The following ZNF644 variants were observed in gnomAD, a reference collection of about 807,000 sequenced individuals.
The protein encoded by ZNF644 is zinc finger protein 644, also known as zinc finger motif enhancer binding protein 2.
Under a neutral mutation model 108.0 loss-of-function variants are expected in ZNF644, and 20 were observed. The observed-to-expected ratio is 0.19, with a 90% CI of 0.13 to 0.27. The LOEUF (loss-of-function observed/expected upper bound fraction) is 0.27, where lower values mean the gene tolerates loss of function less well. ZNF644 is among the 10% of genes least tolerant of loss of function. The probability of loss-of-function intolerance (pLI) is 1.00; values close to 1 mark genes in which losing one functional copy is unlikely to be tolerated. For missense variants in ZNF644, 1,338 were observed against 1,548.9 expected (o/e 0.86, Z 2.29); for synonymous variants, 542 against 539.1 (o/e 1.01, Z -0.08).
Position 90,940,802 on chromosome 1 carries a change from A to G in ZNF644, c.552T>C (p.Ala184=), listed in dbSNP as rs1261306544. The G allele has an allele frequency of 1.9e-6, 3 of 1,613,996 alleles. No homozygotes were observed. The East Asian group carries it at 6.7e-5, about 36-fold the overall frequency. Residue 184 remains alanine, a synonymous_variant, in exon 3 of 6, where the codon GCT becomes GCC. Transcript: ENST00000337393. ...VLFLLSDVAH[A]KNPTHSNKKL... is the part of the protein sequence containing the mutation. ...TTTTATTGGAATGGGTGGGATTCTT[A>G]GCATGTGCTACATCTGATAACAAAA...
chr1:90,989,416 G>A lies in ZNF644; in HGVS notation c.-17-7046C>T, dbSNP rs144073657. On this transcript the variant is annotated intron_variant, in intron 1 of 5. Coordinates refer to ENST00000337393, the MANE Select transcript of ZNF644 (RefSeq NM_201269.3). Reference sequence around the variant, plus strand: ...AAAATAAATAGGTGTGGTAGCACGCGTTTGTAGTACCAGCTACTTGAGAGG... The same window carrying A: ...AAAATAAATAGGTGTGGTAGCACGCATTTGTAGTACCAGCTACTTGAGAGG... Among the ~76,000 whole-genome samples the A allele has an allele frequency of 1.0e-3, 159 of 152,182 alleles. 2 individuals carry two copies. Among genetic ancestry groups the A allele is most frequent in the African/African-American group, 3.3e-3 (135 of 41,518 alleles).
intron 2 of ZNF644, among the ~76,000 whole-genome samples, chr1:90,954,182 C>CGA (rs1477864686): frequency 2.6e-5 from 4 of 152,144 alleles, no homozygotes; most frequent in African/African-American, 9.7e-5. Flanking sequence ...TAGCATCTTA[C>CGA]CCACAGTAAA....
At chr1:90,920,610 G>C (rs1458723039) in intron 4 of ZNF644, among the ~76,000 whole-genome samples, 1 of 151,922 alleles carries the variant, frequency 6.6e-6, no homozygotes, top group Non-Finnish European at 1.5e-5. Flanking sequence ...AGTTTAGGCT[G>C]TTTTATGAAT....
At chr1:90,951,098 A>G (rs1156673599) in intron 2 of ZNF644, among the ~76,000 whole-genome samples, 1 of 152,152 alleles carries the variant, frequency 6.6e-6, no homozygotes, top group East Asian at 1.9e-4. Context: ...ATTATCTTCA[A>G]AATACATCCA....
chr1:90,988,018 T>C (rs1557635169), intron 1 of ZNF644, among the ~76,000 whole-genome samples: 6 of 152,154 alleles, frequency 3.9e-5, no homozygotes, highest in South Asian at 4.1e-4. Context: ...ATGCCTACTG[T>C]CACCATTTCT....
chr1:90,938,889 C>G lies in ZNF644; in HGVS notation c.2465G>C (p.Gly822Ala). Residue 822 changes from glycine (G) to alanine (A), a missense_variant, in exon 3 of 6, where the codon GGA (glycine) becomes GCA (alanine). Gly to Ala is a moderately conservative substitution (Grantham distance 60). Around this residue, in one of 6 missense-constraint regions of ZNF644, gnomAD observed 462 missense variants for 472.6 expected, o/e 0.98. Coordinates refer to ENST00000337393, the MANE Select transcript of ZNF644 (RefSeq NM_201269.3). The surrounding 1 kb of genome is among the most constrained non-coding windows in gnomAD (Gnocchi z 4.2). ...IKESKKESSV[G>A]GEDLDSYPDF... Reference sequence around the variant, plus strand: ...TGGATAGCTATCCAAGTCTTCCCCTCCAACAGAACTTTCCTTCTTAGATTC... The same window carrying G: ...TGGATAGCTATCCAAGTCTTCCCCTGCAACAGAACTTTCCTTCTTAGATTC... 6.2e-7 allele frequency: 1 copy of G among 1,613,982 alleles called. No homozygotes were observed.
Position 90,937,743 on chromosome 1 carries a change from C to T in ZNF644, c.3430G>A (p.Glu1144Lys). The T allele has an allele frequency of 1.2e-6, 2 of 1,613,804 alleles. No individual in the cohort carries two copies. The highest frequency in any genetic ancestry group is 1.7e-4 in the Middle Eastern group (1 of 6,060). The change falls in exon 4 of 6, where the codon GAA (glutamate) becomes AAA (lysine). Residue 1144 changes from glutamate (E) to lysine (K), a missense_variant. Transcript: ENST00000337393. Reference sequence around the variant, plus strand: ...TCATTTAAGAAATTCAGCCCTTCTTCTTCTGATGCAGACACTGACAGAGCT... The same window carrying T: ...TCATTTAAGAAATTCAGCCCTTCTTTTTCTGATGCAGACACTGACAGAGCT... ...TEALSVSASE[E>K]EGLNFLNEYD...
chr1:90,918,874 C>A (rs1649105295), intron 4 of ZNF644, among the ~76,000 whole-genome samples: 2 of 151,876 alleles, frequency 1.3e-5, no homozygotes, highest in South Asian at 4.1e-4. Flanking sequence ...CATATTATCT[C>A]ACGTAAGTTT....
intron 1 of ZNF644, among the ~76,000 whole-genome samples, chr1:90,983,804 G>A (rs947666095): frequency 4.6e-5 from 7 of 152,160 alleles, no homozygotes; most frequent in African/African-American, 7.2e-5. Context: ...GCACGCGCCC[G>A]TAGTCCCAAC....
rs1274790816 is a variant in ZNF644, at chr1:90,937,782, C to T, written c.3391G>A (p.Gly1131Ser). 3.7e-6 allele frequency: 6 copies of T among 1,613,686 alleles called. No individual in the cohort carries two copies. In the South Asian group the frequency reaches 5.5e-5, roughly 15 times the overall value. ...NVIPLEAYRN[G>S]LKTEALSVSA... ...ACTGACAGAGCTTCAGTCTTTAGGC[C>T]ATTACGGTATGCTTCAAGAGGTATA... Residue 1131 changes from glycine to serine, a missense_variant, in exon 4 of 6, where the codon GGC (glycine) becomes AGC (serine). Gly to Ser is a moderately conservative substitution (Grantham distance 56). Coordinates refer to ENST00000337393, the MANE Select transcript of ZNF644 (RefSeq NM_201269.3).
chr1:91,016,796 T>A (rs1660471701), intron 1 of ZNF644, among the ~76,000 whole-genome samples: 1 of 152,234 alleles, frequency 6.6e-6, no homozygotes, highest in South Asian at 2.1e-4. Context: ...AGTTGTCTAT[T>A]TGGCTCAAAA....
chr1:90,969,431 T>C (rs1570461840), intron 2 of ZNF644, among the ~76,000 whole-genome samples: 1 of 152,234 alleles, frequency 6.6e-6, no homozygotes, highest in Admixed American at 6.5e-5. Flanking sequence ...ATCTGCAGTT[T>C]CGCTTTCTGA....
chr1:90,949,134 A>T (rs188525511), intron 2 of ZNF644, among the ~76,000 whole-genome samples: 53 of 152,008 alleles, frequency 3.5e-4, no homozygotes, highest in African/African-American at 1.1e-3. Flanking sequence ...TATAATGAGT[A>T]CTTAACCTCT....
intron 1 of ZNF644, among the ~76,000 whole-genome samples, chr1:91,004,814 A>G (rs897381124): frequency 9.2e-5 from 14 of 152,312 alleles, no homozygotes; most frequent in Admixed American, 3.3e-4. Flanking sequence ...CAGGGCAACC[A>G]CTACAAAAAT....
intron 2 of ZNF644, among the ~76,000 whole-genome samples, chr1:90,969,268 G>A (rs761290136): frequency 2.6e-4 from 40 of 152,124 alleles, no homozygotes; most frequent in Non-Finnish European, 3.5e-4. Flanking sequence ...AAGGACACAC[G>A]GAGAAGACAG....
At chr1:90,954,873 ATG>A (rs1305994842) in intron 2 of ZNF644, among the ~76,000 whole-genome samples, 2 of 152,194 alleles carry the variant, frequency 1.3e-5, no homozygotes, top group Non-Finnish European at 2.9e-5. Flanking sequence ...TGAATCACAA[ATG>A]TTTAAGTTGC....
intron 4 of ZNF644, among the ~76,000 whole-genome samples, chr1:90,922,462 G>C (rs1487628093): frequency 6.6e-6 from 1 of 152,096 alleles, no homozygotes; most frequent in African/African-American, 2.4e-5. Context: ...GACACGAACA[G>C]GTAAATCATC....
intron 4 of ZNF644, among the ~76,000 whole-genome samples, chr1:90,934,083 A>T (rs1453228978): frequency 3.3e-5 from 5 of 152,148 alleles, no homozygotes; most frequent in South Asian, 2.1e-4. Flanking sequence ...ATTGTTCCCC[A>T]CCTCTAATGT....
chr1:90,943,162 C>G (rs1248129161), intron 2 of ZNF644, among the ~76,000 whole-genome samples: 1 of 152,128 alleles, frequency 6.6e-6, no homozygotes, highest in African/African-American at 2.4e-5. Context: ...TGTTCTTAGG[C>G]TGGGCGCGGT....
Sources: allele counts gnomAD v4.1 joint callset (sites outside exome capture counted in the v4.1 genomes callset), GRCh38; gene constraint gnomAD v4.1.1; regional missense constraint gnomAD v4.1.1; non-coding constraint Gnocchi (gnomAD v3.1); transcripts MANE v1.5; gene names NCBI Gene and HGNC (gene_info 2026-07-23, HGNC 2026-07-21).